Variants in ASIC2 observed in about 807,000 individuals in gnomAD.
ASIC2 encodes acid-sensing ion channel 2.
ASIC2 carries 25 observed loss-of-function variants against 57.3 expected under a neutral mutation model. The ratio of observed to expected loss-of-function variants is 0.44; its 90% CI spans 0.32 to 0.61. The LOEUF (loss-of-function observed/expected upper bound fraction) is 0.61. Ranked by LOEUF, ASIC2 falls within the 20% of genes least tolerant of loss-of-function variation. ASIC2 has a pLI of 0.06. For synonymous variants in ASIC2, 319 were observed against 307.5 expected (o/e 1.04, Z -0.39); for missense variants, 641 against 738.1 (o/e 0.87, Z 1.52).
intron 1 of ASIC2, among the ~76,000 whole-genome samples, chr17:34,130,285 T>G (rs1249096725): frequency 1.3e-5 from 2 of 152,184 alleles, no homozygotes; most frequent in Admixed American, 6.5e-5. Context: ...CCAAAGATAA[T>G]GCAGTGAATC....
chr17:33,811,361 C>T (rs895785314), intron 1 of ASIC2, among the ~76,000 whole-genome samples: 3 of 152,314 alleles, frequency 2.0e-5, no homozygotes, highest in Non-Finnish European at 2.9e-5. Flanking sequence ...GCTCAGTGAT[C>T]GTTTGAACAA....
intron 3 of ASIC2, among the ~76,000 whole-genome samples, chr17:33,066,977 G>A (rs145274831): frequency 1.3e-5 from 2 of 152,264 alleles, no homozygotes; most frequent in East Asian, 3.9e-4. Context: ...GAGTCTGGAA[G>A]GTAAACCTGG....
chr17:34,099,143 AGACAGAGAGAGAGAGAGAG>A, intron 1 of ASIC2, among the ~76,000 whole-genome samples: 6 of 20,148 alleles, frequency 3.0e-4, no homozygotes, highest in African/African-American at 7.5e-4. Flanking sequence ...AGAGAGAGAG[AGACAGAGAGAGAGAGAGAG>A]AGAAAGAAAG....
chr17:33,909,949 G>T (rs374363499), intron 1 of ASIC2, among the ~76,000 whole-genome samples: 1 of 152,086 alleles, frequency 6.6e-6, no homozygotes, highest in Non-Finnish European at 1.5e-5. Flanking sequence ...CTAATGGTGT[G>T]ACCCTGAGCA....
intron 1 of ASIC2, among the ~76,000 whole-genome samples, chr17:33,701,977 T>C (rs1319355346): frequency 6.6e-6 from 1 of 152,202 alleles, no homozygotes; most frequent in Non-Finnish European, 1.5e-5. Context: ...ACATAGAAGC[T>C]GGTGGCGTTG....
At chr17:33,908,198 G>A (rs1597925344) in intron 1 of ASIC2, among the ~76,000 whole-genome samples, 1 of 152,204 alleles carries the variant, frequency 6.6e-6, no homozygotes, top group Non-Finnish European at 1.5e-5. Context: ...TGGTCACGTT[G>A]AGTGGGCAGT....
chr17:33,611,031 G>A (rs1905390401), intron 1 of ASIC2, among the ~76,000 whole-genome samples: 1 of 152,166 alleles, frequency 6.6e-6, no homozygotes, highest in African/African-American at 2.4e-5. Flanking sequence ...GAATTGGTGT[G>A]GTGGCTGAGC....
intron 1 of ASIC2, among the ~76,000 whole-genome samples, chr17:33,249,020 T>C (rs1908791565): frequency 1.3e-5 from 2 of 151,964 alleles, no homozygotes; most frequent in African/African-American, 2.4e-5. Flanking sequence ...AGGTAATGCA[T>C]AGTGATGGTT....
intron 1 of ASIC2, among the ~76,000 whole-genome samples, chr17:33,459,047 C>T (rs1174079529): frequency 6.6e-6 from 1 of 151,880 alleles, no homozygotes; most frequent in African/African-American, 2.4e-5. Context: ...CTAAAACAAA[C>T]TGTCAATTCT....
intron 1 of ASIC2, among the ~76,000 whole-genome samples, chr17:33,575,224 G>C (rs1045546292): frequency 6.6e-6 from 1 of 152,190 alleles, no homozygotes. Context: ...TCCACTCCTT[G>C]TTTTCCTCAT....
In ASIC2 at chr17:33,581,966, C is replaced by T. The variant is rs552486787; in HGVS notation, c.556-469899G>A. 6.6e-5 allele frequency among the ~76,000 whole-genome samples: 10 copies of T among 152,268 alleles called. 1 individual carries two copies. The South Asian group carries it at 1.5e-3, about 22-fold the overall frequency. ...TTGATTCAGCTTTAGGAAGTCAGCA[C>T]GAATTGGCCTCAGATTCCGTGTCCC... On this transcript the variant is annotated intron_variant, in intron 1 of 9. Coordinates refer to the ASIC2 transcript ENST00000359872.
At chr17:33,621,492 T>C (rs928557124) in intron 1 of ASIC2, among the ~76,000 whole-genome samples, 1 of 152,196 alleles carries the variant, frequency 6.6e-6, no homozygotes, top group Non-Finnish European at 1.5e-5. Context: ...ATGGCCAGTG[T>C]ACGCTGGTTC....
At chr17:34,107,658 A>G (rs1283984058) in intron 1 of ASIC2, among the ~76,000 whole-genome samples, 1 of 152,214 alleles carries the variant, frequency 6.6e-6, no homozygotes, top group African/African-American at 2.4e-5. Context: ...CCCCACCACA[A>G]GTCCAATCTG....
At chr17:33,055,023 C>A (rs1442068355) in intron 3 of ASIC2, among the ~76,000 whole-genome samples, 1 of 152,222 alleles carries the variant, frequency 6.6e-6, no homozygotes, top group African/African-American at 2.4e-5. Context: ...TCCTGGGTCA[C>A]AGCTCTCCTA....
In ASIC2 at chr17:33,729,342, G is replaced by A. The variant is rs78406533; in HGVS notation, c.555+426636C>T. Among the ~76,000 whole-genome samples the A allele has an allele frequency of 2.7e-3, 412 of 152,212 alleles. 1 individual carries two copies. The highest frequency in any genetic ancestry group is 9.4e-3 in the African/African-American group (390 of 41,528). On this transcript the variant is annotated intron_variant, in intron 1 of 9. Transcript: ENST00000359872. ...GAACTCATTCATTACCTCTAGGATG[G>A]CACCAAGCTGGTGCCTTCCATAAAG... is the stretch of plus-strand genomic sequence containing the variant.
At chr17:33,173,674 T>C (rs940048755) in intron 1 of ASIC2, among the ~76,000 whole-genome samples, 2 of 152,176 alleles carry the variant, frequency 1.3e-5, no homozygotes, top group South Asian at 4.1e-4. Flanking sequence ...CAGGTCTGGG[T>C]TCTAAGCCAT....
intron 1 of ASIC2, among the ~76,000 whole-genome samples, chr17:33,434,482 G>C (rs1034347521): frequency 6.6e-6 from 1 of 152,122 alleles, no homozygotes; most frequent in Admixed American, 6.5e-5. Flanking sequence ...AGCTTATAAA[G>C]GAAAGGAAAA....
intron 1 of ASIC2, among the ~76,000 whole-genome samples, chr17:33,367,460 T>A (rs886773392): frequency 1.3e-5 from 2 of 152,172 alleles, no homozygotes; most frequent in African/African-American, 2.4e-5. Context: ...TAAAGAAAGA[T>A]ACAAAATGCT....
intron 1 of ASIC2, among the ~76,000 whole-genome samples, chr17:33,157,852 T>C (rs1427423573): frequency 6.6e-6 from 1 of 152,194 alleles, no homozygotes; most frequent in African/African-American, 2.4e-5. Context: ...ATCCTCACCA[T>C]GGCCTGTACT....
Sources: allele counts gnomAD v4.1 joint callset (sites outside exome capture counted in the v4.1 genomes callset), GRCh38; gene constraint gnomAD v4.1.1; transcripts MANE v1.5; gene names NCBI Gene and HGNC (gene_info 2026-07-23, HGNC 2026-07-21).